The following SP6 variants were observed in gnomAD, a reference collection of about 807,000 sequenced individuals.
SP6 encodes Sp6 transcription factor, also known as transcription factor Sp6.
In SP6, 10 loss-of-function variants were observed where a neutral mutation model predicts 23.4. The observed-to-expected ratio is 0.43, with a 90% CI of 0.26 to 0.72. The LOEUF is 0.72. SP6 is among the 30% of genes least tolerant of loss of function. The probability of loss-of-function intolerance (pLI) is 0.23; values close to 1 mark genes in which losing one functional copy is unlikely to be tolerated. For missense variants in SP6, 482 were observed against 523.8 expected (o/e 0.92, Z 0.78); for synonymous variants, 238 against 238.7 (o/e 1.00, Z 0.03).
At chr17:47,856,060 C>G (rs1257170634), upstream of SP6, among the ~76,000 whole-genome samples, 1 of 152,168 alleles carries the variant, frequency 6.6e-6, no homozygotes, top group African/African-American at 2.4e-5. Flanking sequence ...ATCCCCTCTT[C>G]CTGAGTTTTC....
upstream of SP6, among the ~76,000 whole-genome samples, chr17:47,853,006 A>C (rs909174511): frequency 2.0e-5 from 3 of 152,226 alleles, no homozygotes; most frequent in African/African-American, 7.2e-5. Context: ...GTGGACTAGA[A>C]GTTGACGGAT....
Position 47,848,276 on chromosome 17 carries a change from G to C in SP6, c.154C>G (p.Leu52Val). Residue 52 changes from leucine to valine, a missense_variant, in exon 2 of 2, where the codon CTG becomes GTG. Around this residue, in one of 3 missense-constraint regions of SP6, gnomAD observed 330 missense variants for 332.3 expected, o/e 0.99. Transcript: ENST00000536300. This position sits in a 1 kb window ranked among gnomAD's most constrained non-coding sequence, Gnocchi z 5.3. ...DYPSPLQPGE[L>V]QSLPLGPEVD... is the part of the protein sequence containing the mutation. ...TCCGGGCCCAGCGGGAGGCTCTGCA[G>C]CTCTCCAGGCTGCAGCGGGGAGGGG... The C allele has an allele frequency of 6.2e-7, 1 of 1,611,992 alleles. No individual in the cohort carries two copies. The highest frequency in any genetic ancestry group is 8.5e-7 in the Non-Finnish European group (1 of 1,179,098).
chr17:47,856,638 G>A (rs978299790), upstream of SP6, among the ~76,000 whole-genome samples: 6 of 152,166 alleles, frequency 3.9e-5, no homozygotes, highest in African/African-American at 1.4e-4. Context: ...ATGGACAAAA[G>A]ACCAGGAAGG....
upstream of SP6, among the ~76,000 whole-genome samples, chr17:47,853,032 A>T (rs2033973288): frequency 6.6e-6 from 1 of 152,244 alleles, no homozygotes. Context: ...TTCTAGCCCC[A>T]GCCCTGCACT....
rs1041287311 is a variant in SP6, at chr17:47,846,868, G to T, written c.*431C>A. 1 of 165,090 alleles carries T rather than the reference G, an allele frequency of 6.1e-6. No homozygotes were observed. Among genetic ancestry groups the T allele is most frequent in the Non-Finnish European group, 1.3e-5 (1 of 77,134 alleles). The allele number at this position is 165,090 out of a possible 1,614,324, so 10.2% of individuals were successfully genotyped here. ...CCCGCCGCAGGGCGGCTCCGGAGGC[G>T]CTTTTATGTCCTGGTTCCCAGGCGC... On this transcript the variant is annotated 3_prime_UTR_variant, in exon 2 of 2. Coordinates refer to ENST00000536300, the MANE Select transcript of SP6 (RefSeq NM_001258248.2).
At chr17:47,859,597 A>G (rs534586365), upstream of SP6, among the ~76,000 whole-genome samples, 3 of 152,346 alleles carry the variant, frequency 2.0e-5, no homozygotes, top group East Asian at 5.8e-4. Context: ...AGGGCTCCCC[A>G]GAATCCAAGC....
At chr17:47,854,476 A>T (rs1454692013), upstream of SP6, among the ~76,000 whole-genome samples, 1 of 152,232 alleles carries the variant, frequency 6.6e-6, no homozygotes, top group East Asian at 1.9e-4. Context: ...TATTCTGCCT[A>T]CTAGTCCATC....
At chr17:47,874,875 T>C in the SP6 span, among the ~76,000 whole-genome samples, 1 of 152,074 alleles carries the variant, frequency 6.6e-6, no homozygotes, top group African/African-American at 2.4e-5. Context: ...GTGTCTACCA[T>C]TAATACTTTT....
rs2033874482 is a variant in SP6 at position 47,845,396 on chromosome 17, A to T, written c.*1903T>A. The T allele has an allele frequency of 6.6e-6, 1 of 152,212 alleles. No individual in the cohort carries two copies. The highest frequency in any genetic ancestry group is 1.5e-5 in the Non-Finnish European group (1 of 68,042). The allele number at this position is 152,212 out of a possible 1,614,324, so 9.4% of individuals were successfully genotyped here. A position where few individuals can be genotyped will look rare whatever the true frequency, so the allele number is the denominator to read the frequency against. Reference sequence around the variant, plus strand: ...GGGGATCTCTGGTTGGGTTAGCAGGAGGTAGGGAAAAGAGAAAGAAAGAAA... The same window carrying T: ...GGGGATCTCTGGTTGGGTTAGCAGGTGGTAGGGAAAAGAGAAAGAAAGAAA... On this transcript the variant is annotated 3_prime_UTR_variant, in exon 2 of 2. Coordinates refer to ENST00000536300, the MANE Select transcript of SP6 (RefSeq NM_001258248.2).
At chr17:47,857,502 G>C (rs748161799), upstream of SP6, among the ~76,000 whole-genome samples, 8 of 152,268 alleles carry the variant, frequency 5.3e-5, no homozygotes, top group South Asian at 6.2e-4. Flanking sequence ...CTTGGGGTTG[G>C]GGGGGAGTTT....
chr17:47,869,493 G>C, the SP6 span, among the ~76,000 whole-genome samples: 2 of 152,202 alleles, frequency 1.3e-5, no homozygotes, highest in East Asian at 1.9e-4. Context: ...AGGAGAGCCT[G>C]AGTTTGACAC....
At chr17:47,872,888 G>A in the SP6 span, among the ~76,000 whole-genome samples, 1 of 152,222 alleles carries the variant, frequency 6.6e-6, no homozygotes, top group African/African-American at 2.4e-5. Context: ...GACCTCCTGG[G>A]GACCCCACAG....
Position 47,848,294 on chromosome 17 carries a change from G to T in SP6, c.136C>A (p.Pro46Thr). Reference protein sequence around the residue: ...TSPEAGDYPSPLQPGELQSLP... With the variant: ...TSPEAGDYPSTLQPGELQSLP... ...CTCTGCAGCTCTCCAGGCTGCAGCG[G>T]GGAGGGGTAGTCCCCGGCCTCAGGG... The change falls in exon 2 of 2, where the codon CCG becomes ACG. Residue 46 changes from proline (P) to threonine (T), a missense_variant. Physicochemically the swap from Pro to Thr is conservative, Grantham distance 38. Transcript: ENST00000536300. The surrounding 1 kb of genome is among the most constrained non-coding windows in gnomAD (Gnocchi z 5.3). 1 of 1,612,368 alleles carries T rather than the reference G, an allele frequency of 6.2e-7. No homozygotes were observed. The highest frequency in any genetic ancestry group is 8.5e-7 in the Non-Finnish European group (1 of 1,179,438).
Position 47,848,349 on chromosome 17 carries a change from C to T in SP6, c.81G>A (p.Gln27=). 1 of 1,603,580 alleles carries T rather than the reference C, an allele frequency of 6.2e-7. No homozygotes were observed. The highest frequency in any genetic ancestry group is 8.5e-7 in the Non-Finnish European group (1 of 1,175,136). ...PHASPPRLDL[Q]PLQTYQGHTS... is the part of the protein sequence containing the mutation. ...TGTGGCCCTGGTAAGTTTGGAGAGG[C>T]TGCAGGTCGAGGCGCGGCGGGGAGG... Residue 27 remains glutamine, a synonymous_variant, in exon 2 of 2, where the codon CAG becomes CAA. Coordinates refer to ENST00000536300, the MANE Select transcript of SP6 (RefSeq NM_001258248.2). The surrounding 1 kb of genome is among the most constrained non-coding windows in gnomAD (Gnocchi z 5.3).
At position 47,847,850 on chromosome 17, in the gene SP6, C is replaced by G; in HGVS notation, c.580G>C (p.Val194Leu). 2.0e-6 allele frequency: 3 copies of G among 1,518,042 alleles called. No homozygotes were observed. The highest frequency in any genetic ancestry group is 2.6e-6 in the Non-Finnish European group (3 of 1,135,364). The allele number at this position is 1,518,042 out of a possible 1,614,324, so 94.0% of individuals were successfully genotyped here. The change falls in exon 2 of 2, where the codon GTA becomes CTA. Residue 194 changes from valine to leucine, a missense_variant. Val to Leu is a conservative substitution (Grantham distance 32). Transcript: ENST00000536300. The stretch of plus-strand genomic sequence containing the variant: ...AGCCCTTGAGACTCCGGGGCGGCTA[C>G]TTCCAAGGCCTTAGCCCCGTCGGGC... ...GPPDGAKALE[V>L]AAPESQGLDS...
rs2033923316 is a variant in SP6, at chr17:47,848,605, AGAGAT to A, written c.-57-124_-57-120del. 4 of 598,708 alleles carry A rather than the reference AGAGAT, an allele frequency of 6.7e-6. No homozygotes were observed. Among genetic ancestry groups the A allele is most frequent in the Admixed American group, 3.4e-5 (1 of 29,698 alleles). 37.1% of individuals were successfully genotyped at this position (598,708 alleles called of 1,614,324 possible). A position where few individuals can be genotyped will look rare whatever the true frequency, so the allele number is the denominator to read the frequency against. On this transcript the variant is annotated intron_variant, in intron 1 of 1. Transcript: ENST00000536300. This position sits in a 1 kb window ranked among gnomAD's most constrained non-coding sequence, Gnocchi z 5.3. The stretch of plus-strand genomic sequence containing the variant: ...AAGGATGCACCTCTGAACGAGGACT[AGAGAT>A]GAGTTTAGAGAATTCGGGAGTGCGA...
At chr17:47,858,701 T>C (rs2034014787), upstream of SP6, among the ~76,000 whole-genome samples, 1 of 151,658 alleles carries the variant, frequency 6.6e-6, no homozygotes, top group Non-Finnish European at 1.5e-5. Flanking sequence ...TTTTCAGGTC[T>C]CCTATGCCAC....
the SP6 span, among the ~76,000 whole-genome samples, chr17:47,863,890 C>G: frequency 6.6e-6 from 1 of 151,940 alleles, no homozygotes; most frequent in African/African-American, 2.4e-5. Context: ...AGGTGCCCAC[C>G]ACCAAGCCCG....
chr17:47,856,264 C>A (rs2033998304), upstream of SP6, among the ~76,000 whole-genome samples: 1 of 152,200 alleles, frequency 6.6e-6, no homozygotes, highest in Admixed American at 6.5e-5. Flanking sequence ...ACTCACTTCC[C>A]AACTTGGATC....
Sources: allele counts gnomAD v4.1 joint callset (sites outside exome capture counted in the v4.1 genomes callset), GRCh38; gene constraint gnomAD v4.1.1; regional missense constraint gnomAD v4.1.1; non-coding constraint Gnocchi (gnomAD v3.1); transcripts MANE v1.5; gene names NCBI Gene and HGNC (gene_info 2026-07-23, HGNC 2026-07-21).